Variants in DUSP16 observed in about 807,000 individuals in gnomAD.
The protein encoded by DUSP16 is dual specificity phosphatase 16.
In DUSP16, 21 loss-of-function variants were observed where a neutral mutation model predicts 58.3. The observed-to-expected ratio is 0.36, with a 90% CI of 0.26 to 0.52. The LOEUF (loss-of-function observed/expected upper bound fraction) is 0.52, where lower values mean the gene tolerates loss of function less well. DUSP16 is among the 20% of genes least tolerant of loss of function. DUSP16 has a pLI of 0.94. For missense variants in DUSP16, 726 were observed against 819.0 expected (o/e 0.89, Z 1.39); for synonymous variants, 320 against 323.8 (o/e 0.99, Z 0.12).
intron 1 of DUSP16, among the ~76,000 whole-genome samples, chr12:12,546,382 A>T (rs2136259593): frequency 6.6e-6 from 1 of 152,348 alleles, no homozygotes; most frequent in East Asian, 1.9e-4. Flanking sequence ...CAGTGCTACC[A>T]AATATATTTC....
intron 5 of DUSP16, among the ~76,000 whole-genome samples, chr12:12,480,580 T>A (rs922641823): frequency 6.6e-6 from 1 of 152,282 alleles, no homozygotes. Flanking sequence ...AAGCAATTCG[T>A]TAATAAGCAA....
At chr12:12,530,059 C>A (rs2136240536) in intron 1 of DUSP16, among the ~76,000 whole-genome samples, 1 of 152,232 alleles carries the variant, frequency 6.6e-6, no homozygotes, top group African/African-American at 2.4e-5. Context: ...TATGGTGGTT[C>A]TATTTTTAAT....
intron 3 of DUSP16, among the ~76,000 whole-genome samples, chr12:12,504,337 C>A (rs1436441284): frequency 6.6e-6 from 1 of 152,104 alleles, no homozygotes; most frequent in Admixed American, 6.5e-5. Context: ...TCTCAGCTCA[C>A]TGCAACCTCT....
At chr12:12,511,158 G>A (rs1217430899) in intron 3 of DUSP16, among the ~76,000 whole-genome samples, 1 of 152,204 alleles carries the variant, frequency 6.6e-6, no homozygotes, top group African/African-American at 2.4e-5. Context: ...TTGGAAGGTG[G>A]CAAGACAGAG....
chr12:12,492,681 A>C (rs1355384233), intron 4 of DUSP16, among the ~76,000 whole-genome samples: 1 of 152,032 alleles, frequency 6.6e-6, no homozygotes, highest in Admixed American at 6.6e-5. Flanking sequence ...TCTACTTGAT[A>C]TCTCCAGCTC....
chr12:12,521,057 C>A lies in DUSP16; in HGVS notation c.42G>T (p.Arg14Ser), dbSNP rs776460864. ...EMIGTQIVTE[R>S]LVALLESGTE... ...TTCCACTTTCCAGCAGAGCCACCAA[C>A]CTCTCAGTAACAATTTGAGTTCCAA... Residue 14 changes from arginine (R) to serine (S), a missense_variant, in exon 2 of 7, where the codon AGG (arginine) becomes AGT (serine). Coordinates refer to ENST00000298573, the MANE Select transcript of DUSP16 (RefSeq NM_030640.3). 5 of 1,614,068 alleles carry A rather than the reference C, an allele frequency of 3.1e-6. No individual in the cohort carries two copies. Among genetic ancestry groups the A allele is most frequent in the African/African-American group, 1.3e-5 (1 of 74,924 alleles).
intron 1 of DUSP16, among the ~76,000 whole-genome samples, chr12:12,539,714 C>T (rs1039149533): frequency 6.7e-6 from 1 of 148,446 alleles, no homozygotes; most frequent in Non-Finnish European, 1.5e-5. Flanking sequence ...AAATAAAGGA[C>T]GTCACCACCC....
At chr12:12,521,842 C>T (rs1473687537) in intron 1 of DUSP16, among the ~76,000 whole-genome samples, 2 of 152,012 alleles carry the variant, frequency 1.3e-5, no homozygotes, top group African/African-American at 4.8e-5. Flanking sequence ...TATTGAAATC[C>T]CACAAAGAAT....
intron 3 of DUSP16, among the ~76,000 whole-genome samples, chr12:12,502,053 C>CT (rs923268811): frequency 4.6e-5 from 7 of 152,054 alleles, no homozygotes; most frequent in African/African-American, 1.7e-4. Flanking sequence ...AAGATAGTAC[C>CT]TTTTTAACTG....
intron 3 of DUSP16, among the ~76,000 whole-genome samples, chr12:12,501,408 G>A (rs182460791): frequency 1.3e-5 from 2 of 152,244 alleles, no homozygotes; most frequent in African/African-American, 4.8e-5. Flanking sequence ...TTCTAGTCCT[G>A]TCCTTACAAT....
At chr12:12,521,496 G>A (rs890534747) in intron 1 of DUSP16, 33 bp from the exon 2 acceptor site, 33 of 980,848 alleles carry the variant, frequency 3.4e-5, no homozygotes, top group East Asian at 8.9e-5. Flanking sequence ...AAAACAAAAC[G>A]TGAGGTCAAA....
chr12:12,512,336 G>A (rs1429919713), intron 3 of DUSP16, among the ~76,000 whole-genome samples: 1 of 152,144 alleles, frequency 6.6e-6, no homozygotes, highest in Non-Finnish European at 1.5e-5. Context: ...TTGTTGTGGT[G>A]AGAACACTTA....
rs1943454969 is a variant in DUSP16 at position 12,477,022 on chromosome 12, T to G, written c.1809A>C (p.Pro603=). 6.2e-7 allele frequency: 1 copy of G among 1,614,136 alleles called. No individual in the cohort carries two copies. Among genetic ancestry groups the G allele is most frequent in the Non-Finnish European group, 8.5e-7 (1 of 1,180,054 alleles). The change falls in exon 7 of 7, where the codon CCA becomes CCC. Residue 603 remains proline (P), a synonymous_variant. Transcript: ENST00000298573. This position sits in a 1 kb window ranked among gnomAD's most constrained non-coding sequence, Gnocchi z 4.1. ...TCCGCCGCGAGTCAGCTCTGTCACT[T>G]GGCTTCTGCCGCCTGCGCACAGAAT... ...QVYSVRRRQK[P]SDRADSRRSW...
chr12:12,500,918 T>C (rs1943899402), intron 3 of DUSP16, among the ~76,000 whole-genome samples: 1 of 152,038 alleles, frequency 6.6e-6, no homozygotes, highest in Admixed American at 6.6e-5. Context: ...GAATGACTCC[T>C]CTCTCTCAGA....
At chr12:12,559,295 T>A (rs1023601553) in intron 1 of DUSP16, among the ~76,000 whole-genome samples, 1 of 152,248 alleles carries the variant, frequency 6.6e-6, no homozygotes, top group Non-Finnish European at 1.5e-5. Context: ...GATCAGTAAA[T>A]TTCTTTTAAA....
At chr12:12,536,576 C>G (rs762967695) in intron 1 of DUSP16, among the ~76,000 whole-genome samples, 14 of 151,694 alleles carry the variant, frequency 9.2e-5, no homozygotes, top group Admixed American at 2.6e-4. Context: ...GAGACCCTGT[C>G]TCTACTAAAA....
intron 1 of DUSP16, among the ~76,000 whole-genome samples, chr12:12,526,259 C>T (rs2136237014): frequency 6.6e-6 from 1 of 151,898 alleles, no homozygotes; most frequent in East Asian, 1.9e-4. Context: ...ATATTTAACA[C>T]AAGTTGTATA....
rs1943407774 is a variant in DUSP16 at position 12,475,312 on chromosome 12, G to A, written c.*1521C>T. 1 of 151,942 alleles carries A rather than the reference G, an allele frequency of 6.6e-6. No individual in the cohort carries two copies. The highest frequency in any genetic ancestry group is 6.6e-5 in the Admixed American group (1 of 15,256). 9.4% of individuals were successfully genotyped at this position (151,942 alleles called of 1,614,324 possible). ...GTAGCTGATAAAACTCAAGCCAGGA[G>A]GATGTTTGAAAGCCAATCTGCACTA... On this transcript the variant is annotated 3_prime_UTR_variant, in exon 7 of 7. Transcript: ENST00000298573.
chr12:12,536,042 T>G (rs1944457704), intron 1 of DUSP16, among the ~76,000 whole-genome samples: 1 of 152,252 alleles, frequency 6.6e-6, no homozygotes, highest in South Asian at 2.1e-4. Context: ...AATTTCACTC[T>G]GGTAACTCTA....
Sources: allele counts gnomAD v4.1 joint callset (sites outside exome capture counted in the v4.1 genomes callset), GRCh38; gene constraint gnomAD v4.1.1; non-coding constraint Gnocchi (gnomAD v3.1); transcripts MANE v1.5; gene names NCBI Gene and HGNC (gene_info 2026-07-23, HGNC 2026-07-21).